The following MYO16 variants were observed in gnomAD, a reference collection of about 807,000 sequenced individuals.
MYO16 encodes myosin XVI, also known as unconventional myosin-XVI.
In MYO16, 94 loss-of-function variants were observed where a neutral mutation model predicts 205.3. The ratio of observed to expected loss-of-function variants is 0.46; its 90% CI spans 0.39 to 0.54. MYO16 has a LOEUF of 0.54. MYO16 is among the 20% of genes least tolerant of loss of function. The pLI, the probability that MYO16 is intolerant of heterozygous loss-of-function variation, is 0.00. For synonymous variants in MYO16, 988 were observed against 954.0 expected (o/e 1.04, Z -0.66); for missense variants, 2,315 against 2,387.5 (o/e 0.97, Z 0.63).
In MYO16 at chr13:109,100,821, G is replaced by A. The variant is rs753639988; in HGVS notation, c.3372G>A (p.Lys1124=). The change falls in exon 28 of 35, where the codon AAG becomes AAA. Residue 1124 remains lysine (K), a synonymous_variant. Coordinates refer to ENST00000457511, the MANE Select transcript of MYO16 (RefSeq NM_001198950.3). ...TGGCTGATACATTCCTGCGTGAGAAGAAGGAACAGTCAGCTGCCGAGCGAT... is the reference window on the plus strand; with the variant it reads ...TGGCTGATACATTCCTGCGTGAGAAAAAGGAACAGTCAGCTGCCGAGCGAT... The part of the protein sequence containing the change: ...KPLADTFLRE[K]KEQSAAERCR... 1.1e-5 allele frequency: 18 copies of A among 1,613,588 alleles called. No individual in the cohort carries two copies. In the African/African-American group the frequency reaches 2.1e-4, roughly 19 times the overall value.
At chr13:109,077,138 G>A (rs1888135346) in intron 27 of MYO16, among the ~76,000 whole-genome samples, 1 of 151,936 alleles carries the variant, frequency 6.6e-6, no homozygotes, top group African/African-American at 2.4e-5. Context: ...TCCTGCCTCA[G>A]CCTCCCAACT....
chr13:109,072,202 G>A (rs766879485), intron 27 of MYO16, among the ~76,000 whole-genome samples: 3 of 152,078 alleles, frequency 2.0e-5, no homozygotes, highest in South Asian at 2.1e-4. Flanking sequence ...CTCTCAAGGC[G>A]CATGTTCACT....
intron 1 of MYO16, among the ~76,000 whole-genome samples, chr13:108,636,369 T>TTGTGTGTGTGTGTG (rs71125327): frequency 9.7e-5 from 5 of 51,358 alleles, no homozygotes; most frequent in Non-Finnish European, 2.1e-4. Context: ...TTTTTTTTTT[T>TTGTGTGTGTGTGTG]TGTGTGTGTG....
chr13:108,907,120 G>A (rs1406895753), intron 15 of MYO16, among the ~76,000 whole-genome samples: 1 of 152,116 alleles, frequency 6.6e-6, no homozygotes, highest in African/African-American at 2.4e-5. Flanking sequence ...GTGGGTGTTG[G>A]AAATTTCTGG....
At chr13:108,699,151 A>T (rs1594218789) in intron 2 of MYO16, among the ~76,000 whole-genome samples, 1 of 147,924 alleles carries the variant, frequency 6.8e-6, no homozygotes, top group South Asian at 2.1e-4. Flanking sequence ...TATTACATAT[A>T]TGCATATGTA....
chr13:109,107,574 G>A (rs1163029671), intron 28 of MYO16, among the ~76,000 whole-genome samples: 1 of 151,800 alleles, frequency 6.6e-6, no homozygotes, highest in Non-Finnish European at 1.5e-5. Context: ...TTGTATTAGG[G>A]CCCTTACTTC....
intron 33 of MYO16, among the ~76,000 whole-genome samples, chr13:109,168,315 C>T (rs79165111): frequency 0.011 from 1,671 of 151,904 alleles, 35 homozygotes; most frequent in African/African-American, 0.038. Context: ...TTTCTGAAAA[C>T]AGTAAAACAT....
intron 28 of MYO16, among the ~76,000 whole-genome samples, chr13:109,119,232 G>C (rs553219602): frequency 1.3e-5 from 2 of 152,270 alleles, no homozygotes; most frequent in East Asian, 1.9e-4. Context: ...GTGTACACAC[G>C]TGCCAGCGTC....
At chr13:108,716,716 C>T (rs568774179) in intron 3 of MYO16, among the ~76,000 whole-genome samples, 8 of 152,222 alleles carry the variant, frequency 5.3e-5, no homozygotes, top group Admixed American at 2.0e-4. Context: ...TAATTATAGA[C>T]GATCAGCGAC....
chr13:108,632,318 A>G (rs1880024942), intron 1 of MYO16, among the ~76,000 whole-genome samples: 1 of 151,988 alleles, frequency 6.6e-6, no homozygotes, highest in African/African-American at 2.4e-5. Flanking sequence ...CAGATTTATC[A>G]CCATAGCACG....
chr13:109,018,675 A>G (rs1188756626), intron 22 of MYO16, among the ~76,000 whole-genome samples: 1 of 152,182 alleles, frequency 6.6e-6, no homozygotes, highest in Non-Finnish European at 1.5e-5. Flanking sequence ...GACCGTTGGA[A>G]AAGCACAATA....
intron 4 of MYO16, among the ~76,000 whole-genome samples, chr13:108,739,743 T>G (rs554879796): frequency 5.9e-5 from 9 of 152,216 alleles, no homozygotes; most frequent in Non-Finnish European, 1.3e-4. Context: ...TCCAACTTGG[T>G]TCCATTCTCC....
intron 28 of MYO16, among the ~76,000 whole-genome samples, chr13:109,103,872 A>G (rs1214768415): frequency 6.6e-6 from 1 of 152,198 alleles, no homozygotes; most frequent in Non-Finnish European, 1.5e-5. Context: ...GTAGTCGCAC[A>G]TGAGGTACTG....
At chr13:108,543,499 G>A in the MYO16 span, among the ~76,000 whole-genome samples, 2 of 151,630 alleles carry the variant, frequency 1.3e-5, no homozygotes, top group Non-Finnish European at 2.9e-5. Context: ...AAACTTAGCC[G>A]GGCGTGGTGG....
Position 109,093,955 on chromosome 13 carries a change from A to G in MYO16, c.3336-6830A>G, listed in dbSNP as rs751414372. ...TGAGCTGAGGTCCTGACAGTCACCTACAGGATTCTGAGCCTTACCCCATTG... is the reference window on the plus strand; with the variant it reads ...TGAGCTGAGGTCCTGACAGTCACCTGCAGGATTCTGAGCCTTACCCCATTG... On this transcript the variant is annotated intron_variant, in intron 27 of 34. Coordinates refer to ENST00000457511, the MANE Select transcript of MYO16 (RefSeq NM_001198950.3). Among the ~76,000 whole-genome samples, 6 of 152,052 alleles carry G rather than the reference A, an allele frequency of 3.9e-5. No individual in the cohort carries two copies. The South Asian group carries it at 6.2e-4, about 16-fold the overall frequency.
intron 2 of MYO16, among the ~76,000 whole-genome samples, chr13:108,704,814 A>C (rs1883442432): frequency 1.3e-5 from 2 of 152,098 alleles, no homozygotes; most frequent in Non-Finnish European, 2.9e-5. Flanking sequence ...CAATAAAAGG[A>C]ATGTTACAAT....
intron 2 of MYO16, among the ~76,000 whole-genome samples, chr13:108,688,764 T>C (rs986011654): frequency 5.3e-5 from 8 of 152,196 alleles, no homozygotes; most frequent in African/African-American, 1.9e-4. Context: ...ATAAATTTAT[T>C]AAAGTGCTTC....
At chr13:109,166,342 T>C (rs1005812267) in intron 33 of MYO16, among the ~76,000 whole-genome samples, 2 of 152,152 alleles carry the variant, frequency 1.3e-5, no homozygotes, top group Admixed American at 6.5e-5. Flanking sequence ...TAAATTTAAT[T>C]AGATATAGTT....
intron 15 of MYO16, among the ~76,000 whole-genome samples, chr13:108,901,901 G>A (rs76668102): frequency 0.013 from 2,044 of 152,298 alleles, 17 homozygotes; most frequent in African/African-American, 0.026. Flanking sequence ...CCCTGAAGGG[G>A]TGAGACTGGG....
Sources: allele counts gnomAD v4.1 joint callset (sites outside exome capture counted in the v4.1 genomes callset), GRCh38; gene constraint gnomAD v4.1.1; transcripts MANE v1.5; gene names NCBI Gene and HGNC (gene_info 2026-07-23, HGNC 2026-07-21).